Variants in PDE1C observed in about 807,000 individuals in gnomAD.
PDE1C encodes the protein dual specificity calcium/calmodulin-dependent 3',5'-cyclic nucleotide phosphodiesterase 1C.
Under a neutral mutation model 93.1 loss-of-function variants are expected in PDE1C, and 62 were observed. The observed-to-expected ratio is 0.67, with a 90% confidence interval of 0.54 to 0.82. The LOEUF is 0.82. Ranked by LOEUF, PDE1C falls within the 40% of genes least tolerant of loss-of-function variation. The probability of loss-of-function intolerance (pLI) is 0.00; values close to 1 mark genes in which losing one functional copy is unlikely to be tolerated. For synonymous variants in PDE1C, 325 were observed against 310.1 expected, an observed-to-expected ratio of 1.05 and a Z score of -0.50; for missense variants, 742 against 884.6, an observed-to-expected ratio of 0.84 and a Z score of 2.04.
At chr7:31,622,216 G>A in the PDE1C span, among the ~76,000 whole-genome samples, 5 of 143,956 alleles carry the variant, frequency 3.5e-5, no homozygotes, top group Admixed American at 7.1e-5. Flanking sequence ...AGTCAACAAG[G>A]ATACCCAGGA....
chr7:31,795,408 T>C (rs1785164123), intron 16 of PDE1C, among the ~76,000 whole-genome samples: 1 of 151,838 alleles, frequency 6.6e-6, no homozygotes, highest in Admixed American at 6.6e-5. Context: ...TTTAAACATC[T>C]TGAACATCAG....
At chr7:31,664,090 T>C in the PDE1C span, among the ~76,000 whole-genome samples, 4 of 152,196 alleles carry the variant, frequency 2.6e-5, no homozygotes, top group African/African-American at 9.7e-5. Flanking sequence ...AAACCAGGTA[T>C]GATCCCAGGT....
chr7:32,237,766 T>TACAC (rs1260906022), intron 1 of PDE1C, among the ~76,000 whole-genome samples: 2 of 29,872 alleles, frequency 6.7e-5, no homozygotes, highest in Non-Finnish European at 1.2e-4. Context: ...ATATATACTT[T>TACAC]TTTTTTTTTT....
chr7:32,286,445 C>A (rs1379722007), intron 1 of PDE1C, among the ~76,000 whole-genome samples: 7 of 152,194 alleles, frequency 4.6e-5, no homozygotes, highest in Non-Finnish European at 1.0e-4. Context: ...TGGCATACAG[C>A]AAACACTCAA....
intron 5 of PDE1C, among the ~76,000 whole-genome samples, chr7:31,877,379 G>A (rs1459996504): frequency 2.0e-5 from 3 of 152,006 alleles, no homozygotes; most frequent in African/African-American, 7.2e-5. Flanking sequence ...GACTTCCATG[G>A]GAACATTTGG....
At chr7:32,321,991 G>A (rs1446308371) in intron 1 of PDE1C, among the ~76,000 whole-genome samples, 1 of 152,184 alleles carries the variant, frequency 6.6e-6, no homozygotes, top group Non-Finnish European at 1.5e-5. Flanking sequence ...GCTATGATGG[G>A]AACTAAAGAC....
the PDE1C span, among the ~76,000 whole-genome samples, chr7:31,681,726 A>C: frequency 1.3e-5 from 2 of 152,184 alleles, no homozygotes; most frequent in Admixed American, 6.5e-5. Context: ...ATAATTGAAT[A>C]AACTTATTCC....
chr7:32,415,202 A>C (rs1316612744), intron 1 of PDE1C, among the ~76,000 whole-genome samples: 3 of 152,160 alleles, frequency 2.0e-5, no homozygotes, highest in Non-Finnish European at 4.4e-5. Context: ...TGTAATTCCA[A>C]CACTTGGAGA....
chr7:31,998,317 C>T (rs944699713), intron 2 of PDE1C, among the ~76,000 whole-genome samples: 2 of 152,144 alleles, frequency 1.3e-5, no homozygotes, highest in Non-Finnish European at 2.9e-5. Flanking sequence ...CCACACCCAG[C>T]CAGAAACGTC....
At chr7:32,378,103 T>C (rs1784464374) in intron 1 of PDE1C, among the ~76,000 whole-genome samples, 1 of 152,162 alleles carries the variant, frequency 6.6e-6, no homozygotes, top group Non-Finnish European at 1.5e-5. Context: ...TGGCATTGTG[T>C]TCTAACAGCC....
chr7:32,052,044 G>A (rs576089664), intron 1 of PDE1C, among the ~76,000 whole-genome samples: 30 of 152,234 alleles, frequency 2.0e-4, no homozygotes, highest in African/African-American at 6.5e-4. Context: ...TGTCACTATC[G>A]TTACTATTAT....
At chr7:31,656,857 A>T in the PDE1C span, among the ~76,000 whole-genome samples, 1 of 148,672 alleles carries the variant, frequency 6.7e-6, no homozygotes, top group African/African-American at 2.5e-5. Context: ...AAAAAAGAGC[A>T]TAGAAGGGAA....
chr7:31,909,344 T>C (rs1027684242), intron 2 of PDE1C, among the ~76,000 whole-genome samples: 1 of 152,150 alleles, frequency 6.6e-6, no homozygotes. Flanking sequence ...ACCCTCTTAG[T>C]CATCTTTACA....
chr7:31,962,259 A>C (rs1809104018), intron 2 of PDE1C, among the ~76,000 whole-genome samples: 1 of 152,218 alleles, frequency 6.6e-6, no homozygotes, highest in African/African-American at 2.4e-5. Context: ...TCTTTACCTT[A>C]GAAGCACCTA....
chr7:31,994,980 G>A (rs1298752073), intron 2 of PDE1C, among the ~76,000 whole-genome samples: 2 of 151,740 alleles, frequency 1.3e-5, no homozygotes, highest in African/African-American at 4.8e-5. Flanking sequence ...CCTTAACCAT[G>A]GAACAAAAAA....
chr7:31,947,192 G>A (rs542225062), intron 2 of PDE1C, among the ~76,000 whole-genome samples: 1 of 152,196 alleles, frequency 6.6e-6, no homozygotes, highest in African/African-American at 2.4e-5. Flanking sequence ...GCAGGAGGTG[G>A]AGTATTCTAT....
At chr7:32,103,941 A>G (rs1798163845) in intron 3 of PDE1C, among the ~76,000 whole-genome samples, 3 of 152,198 alleles carry the variant, frequency 2.0e-5, no homozygotes, top group African/African-American at 7.2e-5. Flanking sequence ...AAAAGATTCA[A>G]CACAAAGGGT....
At chr7:31,976,953 T>A (rs1584291470) in intron 2 of PDE1C, among the ~76,000 whole-genome samples, 1 of 152,150 alleles carries the variant, frequency 6.6e-6, no homozygotes, top group South Asian at 2.1e-4. Context: ...TAGGACCTTT[T>A]TAGAAATGCA....
At chr7:31,822,859 A>G (rs1260908543) in intron 14 of PDE1C, among the ~76,000 whole-genome samples, 3 of 152,196 alleles carry the variant, frequency 2.0e-5, no homozygotes, top group Non-Finnish European at 2.9e-5. Flanking sequence ...GTCTCACAGC[A>G]TAAAGGGAAT....
Sources: gnomAD v4.1 joint callset for allele counts (sites outside exome capture counted in the v4.1 genomes callset) on GRCh38, gnomAD v4.1.1 for gene constraint, MANE v1.5 for transcripts, NCBI Gene and HGNC (gene_info 2026-07-23, HGNC 2026-07-21) for gene names.